The following DENND3 variants were observed in gnomAD, a reference collection of about 807,000 sequenced individuals.
DENND3 encodes the protein DENN domain containing 3.
Under a neutral mutation model 135.1 loss-of-function variants are expected in DENND3, and 88 were observed. The observed-to-expected ratio is 0.65, with a 90% CI of 0.55 to 0.78. DENND3 has a LOEUF of 0.78. Ranked by LOEUF, DENND3 falls within the 30% of genes least tolerant of loss-of-function variation. The pLI is 0.00. For synonymous variants in DENND3, 693 were observed against 712.3 expected (o/e 0.97, Z 0.43); for missense variants, 1,392 against 1,688.4 (o/e 0.82, Z 3.08).
At position 141,137,768 on chromosome 8, in the gene DENND3, C is replaced by T. The variant is rs1304782326; in HGVS notation, c.386-254C>T. ...AAACCTGGGACAGGCGCCAGGTGGG[C>T]GGCTGTGCCCAGCAAGCACTGCCAC... On this transcript the variant is annotated intron_variant, in intron 2 of 22. Transcript: ENST00000519811. The surrounding 1 kb of genome is among the most constrained non-coding windows in gnomAD (Gnocchi z 4.1). Among the ~76,000 whole-genome samples the T allele has an allele frequency of 1.3e-5, 2 of 152,198 alleles. No individual in the cohort carries two copies. Among genetic ancestry groups the T allele is most frequent in the South Asian group, 2.1e-4 (1 of 4,828 alleles).
At chr8:141,135,979 G>A (rs1316614449) in intron 1 of DENND3, among the ~76,000 whole-genome samples, 5 of 152,218 alleles carry the variant, frequency 3.3e-5, no homozygotes, top group Non-Finnish European at 7.3e-5. Flanking sequence ...GGTGTGGAGG[G>A]CGTGGCCCTG....
chr8:141,185,833 AAATAAT>A (rs869189263), intron 18 of DENND3, among the ~76,000 whole-genome samples: 6 of 151,988 alleles, frequency 3.9e-5, no homozygotes, highest in South Asian at 2.1e-4. Context: ...TCAAACAGAC[AAATAAT>A]AATAATAATA....
chr8:141,161,190 T>C (rs1247614311), intron 9 of DENND3, among the ~76,000 whole-genome samples: 1 of 152,208 alleles, frequency 6.6e-6, no homozygotes, highest in Non-Finnish European at 1.5e-5. Context: ...CTGTGCTGGC[T>C]CCGGGCTCTG....
In DENND3 at chr8:141,166,013, G is replaced by A. The variant is rs546198167; in HGVS notation, c.1554-177G>A. 6.6e-6 allele frequency among the ~76,000 whole-genome samples: 1 copy of A among 152,118 alleles called. No individual in the cohort carries two copies. The highest frequency in any genetic ancestry group is 6.6e-5 in the Admixed American group (1 of 15,258). ...TGGTTTCTTCTGGGCTTGTGTCTGGGTCCCCCTGAGGCTGCACTTGGTGAG... is the reference window on the plus strand; with the variant it reads ...TGGTTTCTTCTGGGCTTGTGTCTGGATCCCCCTGAGGCTGCACTTGGTGAG... On this transcript the variant is annotated intron_variant, in intron 11 of 22. Coordinates refer to ENST00000519811, the MANE Select transcript of DENND3 (RefSeq NM_001352890.3). This position sits in a 1 kb window ranked among gnomAD's most constrained non-coding sequence, Gnocchi z 4.3.
At chr8:141,176,463 ATGCCAGCAGGATGCGTGCCTGCAGCCCAT>A in intron 14 of DENND3, 99 bp from the exon 15 acceptor site, 1 of 1,166,424 alleles carries the variant, frequency 8.6e-7, no homozygotes, top group Non-Finnish European at 1.2e-6. Context: ...TGCCTTCCAC[ATGCCAGCAGGATGCGTGCCTGCAGCCCAT>A]CTGCCTCTTC....
chr8:141,185,396 C>T, intron 18 of DENND3, 118 bp downstream of exon 18: 1 of 1,364,174 alleles, frequency 7.3e-7, no homozygotes, highest in Non-Finnish European at 9.9e-7. Flanking sequence ...CACTCGGTTT[C>T]TGTAAACAGG....
chr8:141,183,535 G>A lies in DENND3; in HGVS notation c.2945-1604G>A, dbSNP rs998428274. Reference sequence around the variant, plus strand: ...GACTCCAAAGCGCTGGGTTAGAGGCGTGAGCCACCACAACTGGCCAAAAGC... The same window carrying A: ...GACTCCAAAGCGCTGGGTTAGAGGCATGAGCCACCACAACTGGCCAAAAGC... On this transcript the variant is annotated intron_variant, in intron 17 of 22. Transcript: ENST00000519811. Among the ~76,000 whole-genome samples, 7 of 151,620 alleles carry A rather than the reference G, an allele frequency of 4.6e-5. No homozygotes were observed. In the East Asian group the frequency reaches 9.7e-4, roughly 21 times the overall value.
Position 141,168,415 on chromosome 8 carries a change from A to G in DENND3, c.2165A>G (p.Lys722Arg). 2.5e-6 allele frequency: 4 copies of G among 1,613,924 alleles called. No individual in the cohort carries two copies. The South Asian group carries it at 3.3e-5, about 13-fold the overall frequency. ...SKLDDHVKKFKLPKKHMQLGD... is the reference protein window; with the variant it reads ...SKLDDHVKKFRLPKKHMQLGD... The stretch of plus-strand genomic sequence containing the variant: ...CTGGACGACCACGTGAAGAAGTTCA[A>G]GCTGCCCAAGAAGCACATGCAGCTG... Residue 722 changes from lysine (K) to arginine (R), a missense_variant, in exon 13 of 23, where the codon AAG (lysine) becomes AGG (arginine). Transcript: ENST00000519811. This position sits in a 1 kb window ranked among gnomAD's most constrained non-coding sequence, Gnocchi z 6.2.
intron 5 of DENND3, among the ~76,000 whole-genome samples, chr8:141,145,832 TATA>T (rs1818009278): frequency 1.3e-4 from 11 of 82,796 alleles, no homozygotes; most frequent in African/African-American, 8.6e-4. Context: ...TATATATATA[TATA>T]TATATATATA....
chr8:141,188,861 C>A (rs766692330), intron 18 of DENND3, 125 bp from the exon 19 acceptor site: 164 of 1,304,248 alleles, frequency 1.3e-4, no homozygotes, highest in Admixed American at 5.4e-4. Flanking sequence ...GACCCTGAGC[C>A]GGCGTGTCCC....
chr8:141,183,517 A>G (rs1823455465), intron 17 of DENND3, among the ~76,000 whole-genome samples: 1 of 151,630 alleles, frequency 6.6e-6, no homozygotes, highest in Admixed American at 6.6e-5. Flanking sequence ...TTGGACTCCA[A>G]AGCGCTGGGT....
At chr8:141,135,498 T>C (rs1300940766) in intron 1 of DENND3, among the ~76,000 whole-genome samples, 1 of 152,148 alleles carries the variant, frequency 6.6e-6, no homozygotes, top group Non-Finnish European at 1.5e-5. Context: ...CTACCTGCCT[T>C]TGGCCACCTC....
Position 141,187,151 on chromosome 8 carries a change from C to T in DENND3, c.3085-1835C>T, listed in dbSNP as rs540648617. Reference sequence around the variant, plus strand: ...TGGGATCTGCTGAGAAATCCTCATGCCTTACTCCTTGAGCATGATAGGATT... The same window carrying T: ...TGGGATCTGCTGAGAAATCCTCATGTCTTACTCCTTGAGCATGATAGGATT... On this transcript the variant is annotated intron_variant, in intron 18 of 22. Transcript: ENST00000519811. 1.2e-4 allele frequency among the ~76,000 whole-genome samples: 19 copies of T among 152,274 alleles called. No homozygotes were observed. In the East Asian group the frequency reaches 3.1e-3, roughly 25 times the overall value.
chr8:141,160,783 T>G lies in DENND3; in HGVS notation c.1348T>G (p.Phe450Val), dbSNP rs1300186885. 1.9e-6 allele frequency: 3 copies of G among 1,608,700 alleles called. No individual in the cohort carries two copies. The highest frequency in any genetic ancestry group is 2.6e-6 in the Non-Finnish European group (3 of 1,176,384). Residue 450 changes from phenylalanine (F) to valine (V), a missense_variant, in exon 9 of 23, where the codon TTC (phenylalanine) becomes GTC (valine). Transcript: ENST00000519811. ...QTTLQLLVSI[F>V]RDVKNHLNYE... The stretch of plus-strand genomic sequence containing the variant: ...CACCCTGCAGCTGCTCGTGAGCATC[T>G]TCAGGTACGTGAGAGAACATTCCCA...
At position 141,175,548 on chromosome 8, in the gene DENND3, T is replaced by C. The variant is rs1452570814; in HGVS notation, c.2535+89T>C. The C allele has an allele frequency of 1.2e-6, 2 of 1,601,260 alleles. No individual in the cohort carries two copies. The highest frequency in any genetic ancestry group is 2.2e-5 in the South Asian group (2 of 90,038). On this transcript the variant is annotated intron_variant, in intron 14 of 22. Transcript: ENST00000519811. This position sits in a 1 kb window ranked among gnomAD's most constrained non-coding sequence, Gnocchi z 5.4. The stretch of plus-strand genomic sequence containing the variant: ...TGGGCCCTGAGCAGTCTGCCAGCCA[T>C]GCCAAGTACCAGCTGCAGCCCTTCT...
At chr8:141,169,592 G>C (rs1296157481) in intron 13 of DENND3, among the ~76,000 whole-genome samples, 1 of 152,306 alleles carries the variant, frequency 6.6e-6, no homozygotes, top group South Asian at 2.1e-4. Context: ...GACCCAGCGG[G>C]GGCTCCGTGT....
chr8:141,150,187 G>GTGGCA (rs781268895), intron 5 of DENND3: 29 of 519,312 alleles, frequency 5.6e-5, no homozygotes, highest in Non-Finnish European at 8.3e-5. Flanking sequence ...CAGCACCCGG[G>GTGGCA]TGGCAGGAAC....
chr8:141,179,381 C>T (rs1204475739), intron 16 of DENND3, among the ~76,000 whole-genome samples: 6 of 152,240 alleles, frequency 3.9e-5, no homozygotes, highest in African/African-American at 7.2e-5. Context: ...TAATCTCTGT[C>T]GGGCGTTTAC....
At chr8:141,142,362 G>GGCAAAT in intron 4 of DENND3, 1 of 456,790 alleles carries the variant, frequency 2.2e-6, no homozygotes, top group Non-Finnish European at 4.4e-6. Context: ...AATGAGCCAC[G>GGCAAAT]GCAAATCGCT....
Sources: allele counts gnomAD v4.1 joint callset (sites outside exome capture counted in the v4.1 genomes callset), GRCh38; gene constraint gnomAD v4.1.1; non-coding constraint Gnocchi (gnomAD v3.1); transcripts MANE v1.5; gene names NCBI Gene and HGNC (gene_info 2026-07-23, HGNC 2026-07-21).